LRP1B: variants seen among roughly 807,000 people sequenced by gnomAD.
LRP1B encodes low-density lipoprotein receptor-related protein 1B.
A neutral mutation model predicts 556.6 loss-of-function variants in LRP1B; 217 were observed. The ratio of observed to expected loss-of-function variants is 0.39; its 90% confidence interval spans 0.35 to 0.44. The LOEUF is 0.44. Ranked by LOEUF, LRP1B falls within the 20% of genes least tolerant of loss-of-function variation. LRP1B has a pLI of 1.00. For synonymous variants in LRP1B, 2,047 were observed against 1,865.8 expected (o/e 1.10, Z -2.50); for missense variants, 5,053 against 5,620.8 (o/e 0.90, Z 3.23).
At chr2:141,747,542 C>T (rs6756911) in intron 2 of LRP1B, among the ~76,000 whole-genome samples, 26,232 of 152,082 alleles carry the variant, frequency 0.17, 2,534 homozygotes, top group East Asian at 0.21. Context: ...GAGGCTGAGG[C>T]AGGAGGACTG....
intron 1 of LRP1B, among the ~76,000 whole-genome samples, chr2:141,939,017 T>A (rs1158135151): frequency 6.6e-6 from 1 of 151,914 alleles, no homozygotes; most frequent in Non-Finnish European, 1.5e-5. Context: ...GGGGAGATGT[T>A]GGTCAAAAGT....
intron 41 of LRP1B, among the ~76,000 whole-genome samples, chr2:140,628,176 C>T (rs1683736272): frequency 6.6e-6 from 1 of 152,056 alleles, no homozygotes; most frequent in Non-Finnish European, 1.5e-5. Flanking sequence ...GTGTGTGTGA[C>T]AGAGAGACAG....
chr2:141,279,224 AT>A (rs1157354902), intron 3 of LRP1B, among the ~76,000 whole-genome samples: 1 of 152,050 alleles, frequency 6.6e-6, no homozygotes, highest in Non-Finnish European at 1.5e-5. Context: ...TATGCACCTA[AT>A]TTTTTAAATG....
At chr2:141,454,766 A>T (rs1681566110) in intron 3 of LRP1B, among the ~76,000 whole-genome samples, 1 of 152,152 alleles carries the variant, frequency 6.6e-6, no homozygotes, top group South Asian at 2.1e-4. Context: ...GAATGCAAAT[A>T]TCTTTACCCT....
intron 66 of LRP1B, among the ~76,000 whole-genome samples, chr2:140,437,928 A>AT (rs1458514869): frequency 2.0e-5 from 3 of 152,192 alleles, no homozygotes; most frequent in African/African-American, 7.2e-5. Context: ...TATATTTGTT[A>AT]TATAACTTAT....
intron 1 of LRP1B, among the ~76,000 whole-genome samples, chr2:141,822,122 C>CAGAGAGAGAGAGAGAGAG (rs1427035383): frequency 1.2e-4 from 13 of 106,338 alleles, no homozygotes; most frequent in African/African-American, 5.1e-4. Context: ...CACACACACA[C>CAGAGAGAGAGAGAGAGAG]ACACACACAG....
Position 140,565,331 on chromosome 2 carries a change from A to G in LRP1B, c.7195-23360T>C, listed in dbSNP as rs73961430. On this transcript the variant is annotated intron_variant, in intron 43 of 90. Coordinates refer to ENST00000389484, the MANE Select transcript of LRP1B (RefSeq NM_018557.3). ...TTGAAGATATATTATTGGCCACAGC[A>G]TATTTTAACCCATGTAATAATAAAA... Among the ~76,000 whole-genome samples, 595 of 151,998 alleles carry G rather than the reference A, an allele frequency of 3.9e-3. 5 individuals carry two copies. Among genetic ancestry groups the G allele is most frequent in the African/African-American group, 0.014 (583 of 41,512 alleles).
chr2:140,948,044 G>T (rs1433333200), intron 20 of LRP1B, among the ~76,000 whole-genome samples: 1 of 152,104 alleles, frequency 6.6e-6, no homozygotes, highest in East Asian at 1.9e-4. Flanking sequence ...CTACAAAGAG[G>T]TGTGCCACTA....
At chr2:141,054,125 T>C (rs1049342230) in intron 10 of LRP1B, among the ~76,000 whole-genome samples, 1 of 152,056 alleles carries the variant, frequency 6.6e-6, no homozygotes. Flanking sequence ...ATATATTCTA[T>C]TAGTAGCTCT....
At chr2:142,007,021 C>A (rs1434520890) in intron 1 of LRP1B, among the ~76,000 whole-genome samples, 1 of 151,988 alleles carries the variant, frequency 6.6e-6, no homozygotes, top group Non-Finnish European at 1.5e-5. Flanking sequence ...AAAACAAACA[C>A]AATGACAAAA....
At chr2:141,197,823 C>A (rs1436947414) in intron 6 of LRP1B, among the ~76,000 whole-genome samples, 1 of 152,000 alleles carries the variant, frequency 6.6e-6, no homozygotes, top group Non-Finnish European at 1.5e-5. Context: ...TAATGGGATA[C>A]ATTTAAGTTG....
chr2:140,695,675 T>C lies in LRP1B; in HGVS notation c.6799+4575A>G, dbSNP rs557466301. ...GTTACTGTGGTTTTAAAGTCAGAAA[T>C]GGCCTAAAAGTGTAGACTTTTAACA... On this transcript the variant is annotated intron_variant, in intron 41 of 90. Coordinates refer to ENST00000389484, the MANE Select transcript of LRP1B (RefSeq NM_018557.3). Among the ~76,000 whole-genome samples, 5 of 152,346 alleles carry C rather than the reference T, an allele frequency of 3.3e-5. No individual in the cohort carries two copies. The East Asian group carries it at 7.7e-4, about 23-fold the overall frequency.
At chr2:141,407,251 C>A (rs1690676838) in intron 3 of LRP1B, among the ~76,000 whole-genome samples, 1 of 151,998 alleles carries the variant, frequency 6.6e-6, no homozygotes, top group African/African-American at 2.4e-5. Flanking sequence ...TCATAATTCT[C>A]AATAAAATAA....
intron 31 of LRP1B, among the ~76,000 whole-genome samples, chr2:140,821,457 G>T (rs1416640167): frequency 6.6e-6 from 1 of 152,120 alleles, no homozygotes; most frequent in Non-Finnish European, 1.5e-5. Flanking sequence ...TAATAAAAGT[G>T]ATTGTGCTGA....
intron 21 of LRP1B, among the ~76,000 whole-genome samples, chr2:140,919,719 A>C (rs1332355872): frequency 6.6e-6 from 1 of 152,048 alleles, no homozygotes; most frequent in Admixed American, 6.6e-5. Flanking sequence ...TTTTTTGTTC[A>C]TCAGGCAGTA....
At chr2:141,341,690 T>C (rs1688060981) in intron 3 of LRP1B, among the ~76,000 whole-genome samples, 1 of 152,250 alleles carries the variant, frequency 6.6e-6, no homozygotes, top group South Asian at 2.1e-4. Context: ...CGGATGGAAA[T>C]AATGTGAGCT....
In LRP1B at chr2:140,701,883, G is replaced by A. The variant is rs185014712; in HGVS notation, c.6303-38C>T. 128 of 1,610,694 alleles carry A rather than the reference G, an allele frequency of 7.9e-5. 1 individual carries two copies. The East Asian group carries it at 2.3e-3, about 28-fold the overall frequency. The stretch of plus-strand genomic sequence containing the variant: ...TGAACATACATGATCAACAATCTTC[G>A]ACTAATTAAAGTCAAGCCAGTTACT... On this transcript the variant is annotated intron_variant, in intron 39 of 90. Coordinates refer to ENST00000389484, the MANE Select transcript of LRP1B (RefSeq NM_018557.3).
intron 3 of LRP1B, among the ~76,000 whole-genome samples, chr2:141,281,365 AG>A (rs1040367959): frequency 3.9e-5 from 6 of 152,034 alleles, no homozygotes; most frequent in African/African-American, 9.7e-5. Context: ...ATTATAAAAT[AG>A]AGACTTTGCA....
At chr2:141,376,144 T>C (rs1307058527) in intron 3 of LRP1B, among the ~76,000 whole-genome samples, 2 of 152,162 alleles carry the variant, frequency 1.3e-5, no homozygotes, top group African/African-American at 4.8e-5. Flanking sequence ...ATCTAGGCTT[T>C]CAAAATAGCA....
Sources: gnomAD v4.1 joint callset for allele counts (sites outside exome capture counted in the v4.1 genomes callset) on GRCh38, gnomAD v4.1.1 for gene constraint, MANE v1.5 for transcripts, NCBI Gene and HGNC (gene_info 2026-07-23, HGNC 2026-07-21) for gene names.